Variants in PAQR5 observed in about 807,000 individuals in gnomAD.
The protein encoded by PAQR5 is progestin and adipoQ receptor family member 5, also known as membrane progestin receptor gamma.
In PAQR5, 20 loss-of-function variants were observed where a neutral mutation model predicts 34.5. The observed-to-expected ratio is 0.58, with a 90% CI of 0.41 to 0.84. PAQR5 has a LOEUF of 0.84. Ranked by LOEUF, PAQR5 falls within the 40% of genes least tolerant of loss-of-function variation. PAQR5 has a pLI of 0.00. For synonymous variants in PAQR5, 131 were observed against 155.6 expected (o/e 0.84, Z 1.18); for missense variants, 378 against 412.7 (o/e 0.92, Z 0.73).
At chr15:69,314,234 G>A (rs1045290442) in intron 1 of PAQR5, among the ~76,000 whole-genome samples, 23 of 152,096 alleles carry the variant, frequency 1.5e-4, no homozygotes, top group African/African-American at 5.1e-4. Flanking sequence ...TTGTGTGCAG[G>A]AGGATGAAAA....
At chr15:69,334,488 C>T (rs1005775120) in intron 1 of PAQR5, among the ~76,000 whole-genome samples, 19 of 152,126 alleles carry the variant, frequency 1.2e-4, no homozygotes, top group African/African-American at 3.4e-4. Flanking sequence ...TACTTTGGAG[C>T]ATTAGATGAT....
At chr15:69,399,280 C>T (rs1034815961) in intron 7 of PAQR5, among the ~76,000 whole-genome samples, 3 of 152,196 alleles carry the variant, frequency 2.0e-5, no homozygotes, top group Non-Finnish European at 4.4e-5. Flanking sequence ...TGGGTTGGAA[C>T]TTTACATGGA....
At chr15:69,357,096 G>A (rs761418455) in intron 2 of PAQR5, among the ~76,000 whole-genome samples, 3 of 151,860 alleles carry the variant, frequency 2.0e-5, no homozygotes, top group African/African-American at 4.8e-5. Context: ...TGCTTTCGCC[G>A]TACAACTTGC....
At chr15:69,322,160 TAAA>T (rs34094930) in intron 1 of PAQR5, among the ~76,000 whole-genome samples, 11 of 120,860 alleles carry the variant, frequency 9.1e-5, no homozygotes, top group Admixed American at 1.7e-4. Context: ...ACCCCATTTC[TAAA>T]AAAAAAAAAA....
chr15:69,355,335 TCTTTC>T (rs2055039654), intron 2 of PAQR5, among the ~76,000 whole-genome samples: 2 of 50,404 alleles, frequency 4.0e-5, no homozygotes, highest in Non-Finnish European at 7.8e-5. Context: ...TTTCTTTCTT[TCTTTC>T]TTTTTTTCTT....
intron 3 of PAQR5, among the ~76,000 whole-genome samples, chr15:69,375,138 AT>A (rs1430419310): frequency 1.3e-5 from 2 of 152,176 alleles, no homozygotes; most frequent in African/African-American, 4.8e-5. Context: ...ACAGAAAGTT[AT>A]TTTCTCGCAG....
intron 3 of PAQR5, among the ~76,000 whole-genome samples, chr15:69,377,243 G>A (rs2055732577): frequency 6.6e-6 from 1 of 152,248 alleles, no homozygotes; most frequent in African/African-American, 2.4e-5. Context: ...TAGACCCAGT[G>A]TGGAGCTCCT....
chr15:69,378,450 AAAAAAAAAAG>A (rs1228684417), intron 3 of PAQR5, among the ~76,000 whole-genome samples: 3 of 147,902 alleles, frequency 2.0e-5, no homozygotes, highest in African/African-American at 7.6e-5. Flanking sequence ...AAAAAAAAAA[AAAAAAAAAAG>A]AGAGAGAGAG....
At chr15:69,358,656 G>T (rs1054317309) in intron 2 of PAQR5, among the ~76,000 whole-genome samples, 13 of 1,848 alleles carry the variant, frequency 7.0e-3, no homozygotes, top group African/African-American at 0.013. Context: ...TTTTGAGACA[G>T]ATTCTTGCTG....
intron 1 of PAQR5, among the ~76,000 whole-genome samples, chr15:69,335,280 T>C (rs2054487204): frequency 1.4e-5 from 2 of 146,324 alleles, no homozygotes; most frequent in Non-Finnish European, 3.0e-5. Context: ...AGTTTTGCTC[T>C]TGTTGCCCAG....
chr15:69,382,157 G>C (rs946417905), intron 4 of PAQR5, among the ~76,000 whole-genome samples: 1 of 152,178 alleles, frequency 6.6e-6, no homozygotes, highest in Non-Finnish European at 1.5e-5. Flanking sequence ...GGCTTGCAAG[G>C]CTCCACCTGG....
chr15:69,320,978 C>CT (rs1310531099), intron 1 of PAQR5, among the ~76,000 whole-genome samples: 3 of 152,258 alleles, frequency 2.0e-5, no homozygotes, highest in East Asian at 1.9e-4. Context: ...GGCCTTTTGG[C>CT]TTTTTTTCAG....
At chr15:69,400,560 C>T (rs945907636) in intron 8 of PAQR5, among the ~76,000 whole-genome samples, 18 of 152,216 alleles carry the variant, frequency 1.2e-4, no homozygotes, top group African/African-American at 4.1e-4. Context: ...GGCATGGTGG[C>T]GTGCACCTGT....
At chr15:69,380,942 G>C (rs2055868561) in intron 4 of PAQR5, among the ~76,000 whole-genome samples, 1 of 152,166 alleles carries the variant, frequency 6.6e-6, no homozygotes, top group South Asian at 2.1e-4. Context: ...CCCCGCACAG[G>C]GGCAGCCAGC....
At chr15:69,368,505 A>G (rs2055465296) in intron 3 of PAQR5, among the ~76,000 whole-genome samples, 1 of 152,214 alleles carries the variant, frequency 6.6e-6, no homozygotes, top group Non-Finnish European at 1.5e-5. Context: ...AAAACTGATG[A>G]CTCAATAATG....
At chr15:69,353,366 G>A (rs1362260740) in intron 2 of PAQR5, among the ~76,000 whole-genome samples, 1 of 152,156 alleles carries the variant, frequency 6.6e-6, no homozygotes, top group African/African-American at 2.4e-5. Context: ...TACCATCCAT[G>A]GACTCATAGA....
chr15:69,329,091 C>T (rs542893721), intron 1 of PAQR5, among the ~76,000 whole-genome samples: 6 of 152,370 alleles, frequency 3.9e-5, no homozygotes, highest in East Asian at 3.9e-4. Flanking sequence ...AATGCGGCTT[C>T]GCCCTTGTTC....
chr15:69,305,149 G>A (rs1404465168), intron 1 of PAQR5, among the ~76,000 whole-genome samples: 1 of 152,154 alleles, frequency 6.6e-6, no homozygotes, highest in Non-Finnish European at 1.5e-5. Context: ...TGTGCATTGT[G>A]GGAAGTTAGC....
intron 3 of PAQR5, among the ~76,000 whole-genome samples, chr15:69,366,247 A>G (rs564547786): frequency 6.6e-5 from 10 of 152,334 alleles, no homozygotes; most frequent in African/African-American, 2.2e-4. Context: ...ACTTAGCAGG[A>G]TGTTTTCAAG....
Sources: gnomAD v4.1 joint callset for allele counts (sites outside exome capture counted in the v4.1 genomes callset) on GRCh38, gnomAD v4.1.1 for gene constraint, MANE v1.5 for transcripts, NCBI Gene and HGNC (gene_info 2026-07-23, HGNC 2026-07-21) for gene names.